Variants in SYT16 observed in about 807,000 individuals in gnomAD.
The protein encoded by SYT16 is synaptotagmin 16.
Under a neutral mutation model 61.4 loss-of-function variants are expected in SYT16, and 42 were observed. The ratio of observed to expected loss-of-function variants is 0.68; its 90% CI spans 0.53 to 0.89. SYT16 has a LOEUF of 0.89. Ranked by LOEUF, SYT16 falls within the 40% of genes least tolerant of loss-of-function variation. The probability of loss-of-function intolerance (pLI) is 0.00; values close to 1 mark genes in which losing one functional copy is unlikely to be tolerated. For synonymous variants in SYT16, 314 were observed against 302.3 expected (o/e 1.04, Z -0.40); for missense variants, 804 against 807.3 (o/e 1.00, Z 0.05).
intron 2 of SYT16, among the ~76,000 whole-genome samples, chr14:61,971,225 C>T (rs558306765): frequency 4.6e-5 from 7 of 152,130 alleles, no homozygotes; most frequent in African/African-American, 7.2e-5. Flanking sequence ...TTATCTACTG[C>T]TTATAACAAA....
At chr14:61,832,992 C>T (rs894587609) in intron 1 of SYT16, among the ~76,000 whole-genome samples, 3 of 152,074 alleles carry the variant, frequency 2.0e-5, no homozygotes, top group East Asian at 3.9e-4. Context: ...GCTGATTCAC[C>T]CTCATGGTGA....
At chr14:62,094,821 C>T (rs557258741) in intron 7 of SYT16, among the ~76,000 whole-genome samples, 25 of 152,122 alleles carry the variant, frequency 1.6e-4, no homozygotes, top group Admixed American at 5.2e-4. Context: ...TCAATAGGCT[C>T]TGAACTGTTT....
chr14:61,819,054 G>A (rs760895468), intron 1 of SYT16, among the ~76,000 whole-genome samples: 8 of 152,104 alleles, frequency 5.3e-5, no homozygotes, highest in Non-Finnish European at 8.8e-5. Context: ...ATTTCACCAT[G>A]GCATCTTTGA....
At chr14:62,072,767 G>A (rs113429028) in intron 4 of SYT16, among the ~76,000 whole-genome samples, 1 of 152,284 alleles carries the variant, frequency 6.6e-6, no homozygotes, top group African/African-American at 2.4e-5. Flanking sequence ...GTAAGCAGAA[G>A]TCTTTGTATT....
chr14:61,842,613 A>G (rs2140254880), intron 1 of SYT16, among the ~76,000 whole-genome samples: 2 of 152,302 alleles, frequency 1.3e-5, no homozygotes, highest in Middle Eastern at 6.8e-3. Flanking sequence ...TGATGAGTTC[A>G]TGTCCTTTGT....
At chr14:61,944,652 T>G (rs934236375) in intron 1 of SYT16, among the ~76,000 whole-genome samples, 3 of 152,122 alleles carry the variant, frequency 2.0e-5, no homozygotes, top group African/African-American at 7.2e-5. Context: ...ATTCCCTATT[T>G]AAAAAACAGT....
intron 3 of SYT16, among the ~76,000 whole-genome samples, chr14:62,028,346 T>A (rs774534198): frequency 6.6e-6 from 1 of 152,226 alleles, no homozygotes; most frequent in Non-Finnish European, 1.5e-5. Context: ...ATGCTTTATG[T>A]ACACTAAATC....
At chr14:61,857,469 T>C (rs1300695431) in intron 1 of SYT16, among the ~76,000 whole-genome samples, 1 of 152,146 alleles carries the variant, frequency 6.6e-6, no homozygotes. Context: ...AGATTGACAG[T>C]TGACTGCCAG....
At chr14:61,943,624 A>G (rs1366175795) in intron 1 of SYT16, among the ~76,000 whole-genome samples, 9 of 152,220 alleles carry the variant, frequency 5.9e-5, no homozygotes, top group Admixed American at 5.9e-4. Flanking sequence ...AGAACTAGTG[A>G]CAAAAACCAC....
At chr14:61,882,207 A>G (rs1057157382) in intron 1 of SYT16, among the ~76,000 whole-genome samples, 6 of 152,210 alleles carry the variant, frequency 3.9e-5, no homozygotes, top group Non-Finnish European at 7.3e-5. Context: ...ATAAAAATAG[A>G]ATGAACAAAG....
chr14:61,919,608 CCTT>C (rs1270082294), intron 1 of SYT16, among the ~76,000 whole-genome samples: 10 of 152,172 alleles, frequency 6.6e-5, no homozygotes, highest in African/African-American at 2.4e-4. Context: ...TTTCTCTGGT[CCTT>C]CTTATCTGAT....
chr14:62,035,506 A>G (rs187266534), intron 3 of SYT16, among the ~76,000 whole-genome samples: 18 of 152,340 alleles, frequency 1.2e-4, no homozygotes, highest in South Asian at 2.1e-4. Context: ...ATTTAATTCC[A>G]TCAAAGAGAC....
At chr14:61,994,388 C>G (rs879734783) in intron 2 of SYT16, among the ~76,000 whole-genome samples, 3 of 152,254 alleles carry the variant, frequency 2.0e-5, no homozygotes, top group Middle Eastern at 3.4e-3. Flanking sequence ...TTCCTTCAAC[C>G]AGCCTGGGCC....
At chr14:62,039,510 T>G (rs2054633361) in intron 3 of SYT16, among the ~76,000 whole-genome samples, 1 of 152,098 alleles carries the variant, frequency 6.6e-6, no homozygotes, top group Non-Finnish European at 1.5e-5. Flanking sequence ...CCTGAAGAAA[T>G]AAGACATTAA....
chr14:62,039,863 A>G (rs1313263739), intron 3 of SYT16, among the ~76,000 whole-genome samples: 3 of 140,504 alleles, frequency 2.1e-5, no homozygotes, highest in Non-Finnish European at 3.1e-5. Context: ...ACACACACAC[A>G]CACACACACA....
chr14:61,863,485 A>G (rs2047030420), intron 1 of SYT16, among the ~76,000 whole-genome samples: 1 of 152,178 alleles, frequency 6.6e-6, no homozygotes, highest in Non-Finnish European at 1.5e-5. Flanking sequence ...GTTGAATTTT[A>G]AGAGTTCTTT....
At chr14:62,033,894 A>T (rs2054402119) in intron 3 of SYT16, among the ~76,000 whole-genome samples, 1 of 152,140 alleles carries the variant, frequency 6.6e-6, no homozygotes, top group South Asian at 2.1e-4. Flanking sequence ...TGTGCTGAAA[A>T]TGATACGATG....
At chr14:62,076,834 T>G (rs2056514951) in intron 5 of SYT16, among the ~76,000 whole-genome samples, 1 of 152,242 alleles carries the variant, frequency 6.6e-6, no homozygotes, top group African/African-American at 2.4e-5. Context: ...GATTGTGCCA[T>G]GAGGCTTGGA....
chr14:62,070,850 G>C (rs1206467563), intron 4 of SYT16, among the ~76,000 whole-genome samples: 1 of 152,164 alleles, frequency 6.6e-6, no homozygotes, highest in Non-Finnish European at 1.5e-5. Flanking sequence ...GGGCATAGCT[G>C]TAGATGTTCC....
Sources: gnomAD v4.1 joint callset for allele counts (sites outside exome capture counted in the v4.1 genomes callset) on GRCh38, gnomAD v4.1.1 for gene constraint, MANE v1.5 for transcripts, NCBI Gene and HGNC (gene_info 2026-07-23, HGNC 2026-07-21) for gene names.